Variants in NPAS3 observed in about 807,000 individuals in gnomAD.
NPAS3 encodes neuronal PAS domain protein 3.
NPAS3 carries 14 observed loss-of-function variants against 73.1 expected under a neutral mutation model. The observed-to-expected ratio is 0.19, with a 90% CI of 0.13 to 0.30. NPAS3 has a LOEUF of 0.30. Among genes scored for constraint, NPAS3 ranks in the 10% least tolerant of loss-of-function variants. NPAS3 has a pLI of 1.00. For missense variants in NPAS3, 1,096 were observed against 1,250.0 expected (o/e 0.88, Z 1.86); for synonymous variants, 620 against 541.5 (o/e 1.14, Z -2.01).
chr14:33,010,916 GTGAC>G (rs2039166635), intron 1 of NPAS3, among the ~76,000 whole-genome samples: 1 of 142,108 alleles, frequency 7.0e-6, no homozygotes, highest in Admixed American at 7.3e-5. Context: ...GCCTGGGTGA[GTGAC>G]AGAGCCAGAA....
chr14:33,423,931 A>C (rs2139062062), intron 4 of NPAS3, among the ~76,000 whole-genome samples: 1 of 152,096 alleles, frequency 6.6e-6, no homozygotes, highest in South Asian at 2.1e-4. Flanking sequence ...CTTCTTCAAA[A>C]ATTGAATATT....
chr14:33,187,265 A>G (rs1470528522), intron 2 of NPAS3, among the ~76,000 whole-genome samples: 3 of 152,118 alleles, frequency 2.0e-5, no homozygotes, highest in Non-Finnish European at 4.4e-5. Flanking sequence ...TCCATTCCAC[A>G]GCTGTATTGG....
chr14:33,083,178 C>CA (rs57147759), intron 2 of NPAS3, among the ~76,000 whole-genome samples: 1,765 of 64,950 alleles, frequency 0.027, 453 homozygotes, highest in Non-Finnish European at 0.045. Context: ...GAGACTGTCT[C>CA]AAAAAAAAAA....
intron 6 of NPAS3, among the ~76,000 whole-genome samples, chr14:33,685,873 A>G (rs2140383159): frequency 6.6e-6 from 1 of 152,310 alleles, no homozygotes; most frequent in East Asian, 1.9e-4. Context: ...ACCAGAGCAG[A>G]CACTGGACCC....
At chr14:33,439,384 G>A (rs1421098051) in intron 4 of NPAS3, among the ~76,000 whole-genome samples, 1 of 152,176 alleles carries the variant, frequency 6.6e-6, no homozygotes, top group Non-Finnish European at 1.5e-5. Flanking sequence ...GAAATTCATT[G>A]TAGTAAACAC....
chr14:33,355,425 C>T (rs1401764415), intron 3 of NPAS3, among the ~76,000 whole-genome samples: 1 of 152,082 alleles, frequency 6.6e-6, no homozygotes, highest in Non-Finnish European at 1.5e-5. Flanking sequence ...CTCAGCCTCC[C>T]AAGTAGCCGG....
intron 4 of NPAS3, among the ~76,000 whole-genome samples, chr14:33,524,482 A>C: frequency 6.6e-6 from 1 of 152,316 alleles, no homozygotes; most frequent in Non-Finnish European, 1.5e-5. Flanking sequence ...CATTCACAGA[A>C]TGACTTGCTC....
At chr14:33,113,877 A>AG (rs1197973868) in intron 2 of NPAS3, among the ~76,000 whole-genome samples, 6 of 152,242 alleles carry the variant, frequency 3.9e-5, no homozygotes, top group African/African-American at 1.2e-4. Context: ...TTTAGCATGA[A>AG]GGTTGTTGAA....
At chr14:33,107,809 C>G (rs140992639) in intron 2 of NPAS3, among the ~76,000 whole-genome samples, 264 of 152,268 alleles carry the variant, frequency 1.7e-3, no homozygotes, top group Non-Finnish European at 2.4e-3. Flanking sequence ...TATATTGACA[C>G]TTCTTGAGAT....
chr14:33,001,651 T>C (rs1420688690), intron 1 of NPAS3, among the ~76,000 whole-genome samples: 1 of 152,216 alleles, frequency 6.6e-6, no homozygotes, highest in Non-Finnish European at 1.5e-5. Context: ...TCCTTCAGGA[T>C]GCCTCTTCAG....
intron 2 of NPAS3, among the ~76,000 whole-genome samples, chr14:33,087,662 A>C (rs1405230316): frequency 6.6e-6 from 1 of 152,182 alleles, no homozygotes; most frequent in Non-Finnish European, 1.5e-5. Flanking sequence ...TTGGGGGAGA[A>C]ATGTAATTTT....
At chr14:33,657,350 T>A (rs1316830284) in intron 5 of NPAS3, among the ~76,000 whole-genome samples, 1 of 152,080 alleles carries the variant, frequency 6.6e-6, no homozygotes, top group Non-Finnish European at 1.5e-5. Flanking sequence ...CAACAAGCAT[T>A]TATTGAGCAC....
chr14:33,580,798 G>A (rs1343181093), intron 5 of NPAS3, among the ~76,000 whole-genome samples: 5 of 130,914 alleles, frequency 3.8e-5, no homozygotes, highest in East Asian at 2.6e-4. Context: ...ACCCTCCACC[G>A]CACCCCCCTA....
chr14:33,351,350 C>T (rs529970496), intron 3 of NPAS3, among the ~76,000 whole-genome samples: 54 of 152,234 alleles, frequency 3.5e-4, no homozygotes, highest in African/African-American at 1.3e-3. Context: ...GGGTAAAATG[C>T]TGCAGTCTGT....
intron 1 of NPAS3, among the ~76,000 whole-genome samples, chr14:32,997,988 CAT>C (rs1206197083): frequency 4.6e-5 from 7 of 152,130 alleles, no homozygotes; most frequent in Admixed American, 4.6e-4. Flanking sequence ...AAAAGTTAAA[CAT>C]AGAATTACCT....
At chr14:33,081,367 C>A (rs2041857587) in intron 2 of NPAS3, among the ~76,000 whole-genome samples, 1 of 151,678 alleles carries the variant, frequency 6.6e-6, no homozygotes, top group Admixed American at 6.6e-5. Flanking sequence ...GAAAAGAGAC[C>A]AACTTTTTTT....
chr14:33,056,193 A>C (rs2040882521), intron 2 of NPAS3, among the ~76,000 whole-genome samples, 199 bp downstream of exon 2: 1 of 152,246 alleles, frequency 6.6e-6, no homozygotes, highest in Non-Finnish European at 1.5e-5. Flanking sequence ...CAAGACAGAA[A>C]AAAAATGTTT....
chr14:33,359,507 A>G (rs567132726), intron 3 of NPAS3, among the ~76,000 whole-genome samples: 37 of 152,316 alleles, frequency 2.4e-4, no homozygotes, highest in Admixed American at 2.4e-3. Context: ...GAATCATGCC[A>G]TAACTGTTTG....
intron 4 of NPAS3, among the ~76,000 whole-genome samples, chr14:33,424,715 G>C (rs1382333630): frequency 1.3e-5 from 2 of 151,768 alleles, no homozygotes; most frequent in African/African-American, 4.8e-5. Context: ...AGGGAATATG[G>C]GAGGAGGGGG....
Sources: gnomAD v4.1 joint callset for allele counts (sites outside exome capture counted in the v4.1 genomes callset) on GRCh38, gnomAD v4.1.1 for gene constraint, MANE v1.5 for transcripts, NCBI Gene and HGNC (gene_info 2026-07-23, HGNC 2026-07-21) for gene names.